The following NPAT variants were observed in gnomAD, a reference collection of about 807,000 sequenced individuals.
The protein encoded by NPAT is nuclear protein, coactivator of histone transcription.
A neutral mutation model predicts 130.7 loss-of-function variants in NPAT; 52 were observed. The ratio of observed to expected loss-of-function variants is 0.40; its 90% CI spans 0.32 to 0.50. NPAT has a LOEUF of 0.50. NPAT is among the 20% of genes least tolerant of loss of function. NPAT has a pLI of 0.68. For synonymous variants in NPAT, 580 were observed against 584.8 expected (o/e 0.99, Z 0.12); for missense variants, 1,687 against 1,662.6 (o/e 1.01, Z -0.26).
chr11:108,211,025 C>T (rs2078379017), intron 1 of NPAT, among the ~76,000 whole-genome samples: 1 of 151,712 alleles, frequency 6.6e-6, no homozygotes, highest in South Asian at 2.1e-4. Context: ...TTGAGACCAT[C>T]CTGGCCAACA....
At chr11:108,180,624 G>C (rs867740302) in intron 10 of NPAT, among the ~76,000 whole-genome samples, 3 of 152,150 alleles carry the variant, frequency 2.0e-5, no homozygotes, top group Middle Eastern at 3.2e-3. Context: ...TGGTACAGCT[G>C]CTATGAGAAA....
At chr11:108,171,449 A>C (rs1473554333) in intron 13 of NPAT, 1 of 150,192 alleles carries the variant, frequency 6.7e-6, no homozygotes, top group East Asian at 2.0e-4. Context: ...AAAGACAGAG[A>C]TCAATTAGAA....
intron 2 of NPAT, among the ~76,000 whole-genome samples, chr11:108,194,903 A>G (rs2078205753): frequency 6.6e-6 from 1 of 151,966 alleles, no homozygotes; most frequent in East Asian, 1.9e-4. Context: ...GGCTCACCAA[A>G]ACCTCTGTCT....
At chr11:108,209,211 C>T (rs957810140) in intron 1 of NPAT, among the ~76,000 whole-genome samples, 12 of 151,982 alleles carry the variant, frequency 7.9e-5, no homozygotes, top group South Asian at 2.1e-4. Flanking sequence ...TCCTGAGAGG[C>T]GGAGGCTGCA....
At position 108,222,451 on chromosome 11, in the gene NPAT, G is replaced by C. The variant is rs141298949; in HGVS notation, c.37+49C>G. The C allele has an allele frequency of 1.3e-4, 211 of 1,605,970 alleles. No individual in the cohort carries two copies. The African/African-American group carries it at 2.5e-3, about 19-fold the overall frequency. On this transcript the variant is annotated intron_variant, in intron 1 of 17. Coordinates refer to ENST00000278612, the MANE Select transcript of NPAT (RefSeq NM_002519.3). ...AACCTTTGGCCTCAAAGGTCCTTCT[G>C]TCCAGCATAGCCGGGTCCAATAACC...
At chr11:108,207,002 G>A (rs2078331841) in intron 1 of NPAT, among the ~76,000 whole-genome samples, 1 of 152,152 alleles carries the variant, frequency 6.6e-6, no homozygotes, top group East Asian at 1.9e-4. Context: ...CAACAGAGAG[G>A]AGACCCACAG....
At chr11:108,214,354 A>C (rs1045883877) in intron 1 of NPAT, among the ~76,000 whole-genome samples, 1 of 152,260 alleles carries the variant, frequency 6.6e-6, no homozygotes, top group Non-Finnish European at 1.5e-5. Flanking sequence ...AGACACAAAA[A>C]GCGAAATATT....
At chr11:108,211,780 T>C (rs1463370010) in intron 1 of NPAT, among the ~76,000 whole-genome samples, 2 of 152,088 alleles carry the variant, frequency 1.3e-5, no homozygotes, top group Admixed American at 6.6e-5. Context: ...GAGACCCCCA[T>C]CTCTGCAAAA....
chr11:108,167,197 C>CT (rs1217856332), intron 15 of NPAT, among the ~76,000 whole-genome samples: 1 of 152,124 alleles, frequency 6.6e-6, no homozygotes, highest in Non-Finnish European at 1.5e-5. Context: ...AATTCCCTCT[C>CT]TTCAAATCTT....
intron 1 of NPAT, among the ~76,000 whole-genome samples, chr11:108,208,889 C>T (rs1329990937): frequency 2.0e-5 from 3 of 152,062 alleles, no homozygotes; most frequent in Non-Finnish European, 4.4e-5. Context: ...TTTCCAGGGC[C>T]GACCATATAT....
chr11:108,175,626 T>C (rs2077998341), intron 12 of NPAT, among the ~76,000 whole-genome samples: 1 of 152,134 alleles, frequency 6.6e-6, no homozygotes, highest in Non-Finnish European at 1.5e-5. Context: ...TAAGAAGAAA[T>C]GGAGAATTGG....
At chr11:108,199,973 G>C (rs1229987849) in intron 1 of NPAT, among the ~76,000 whole-genome samples, 1 of 152,224 alleles carries the variant, frequency 6.6e-6, no homozygotes, top group African/African-American at 2.4e-5. Context: ...ATATTATTGA[G>C]TGGAATGAGC....
Position 108,176,374 on chromosome 11 carries a change from C to T in NPAT, c.1004G>A (p.Gly335Asp), listed in dbSNP as rs1170900520. 5 of 1,536,428 alleles carry T rather than the reference C, an allele frequency of 3.3e-6. No homozygotes were observed. Among genetic ancestry groups the T allele is most frequent in the Non-Finnish European group, 3.6e-6 (4 of 1,111,114 alleles). The change falls in exon 12 of 18, where the codon GGC (glycine) becomes GAC (aspartate). Residue 335 changes from glycine to aspartate, a missense_variant and splice_region_variant. Around this residue, in one of 3 missense-constraint regions of NPAT, gnomAD observed 1,379 missense variants for 1,346.6 expected, o/e 1.02. Coordinates refer to ENST00000278612, the MANE Select transcript of NPAT (RefSeq NM_002519.3). Reference sequence around the variant, plus strand: ...TATATTTTTATTATTCTTTGTTTTGCCTGTTAAAAAGGGAATATGGAAATA... The same window carrying T: ...TATATTTTTATTATTCTTTGTTTTGTCTGTTAAAAAGGGAATATGGAAATA... Reference protein sequence around the residue: ...FQALFDLFDYGKTKNNKNISQ... With the variant: ...FQALFDLFDYDKTKNNKNISQ...
At chr11:108,214,205 A>AT (rs1361615028) in intron 1 of NPAT, among the ~76,000 whole-genome samples, 3 of 152,192 alleles carry the variant, frequency 2.0e-5, no homozygotes, top group Admixed American at 6.5e-5. Flanking sequence ...TGCATTTTTC[A>AT]TAACAGTGTC....
intron 15 of NPAT, among the ~76,000 whole-genome samples, chr11:108,168,910 T>G (rs905778547): frequency 6.6e-6 from 1 of 152,114 alleles, no homozygotes; most frequent in Non-Finnish European, 1.5e-5. Flanking sequence ...AGATGACAAA[T>G]GTATGCACAT....
Position 108,186,471 on chromosome 11 carries a change from G to A in NPAT, c.726+11C>T, listed in dbSNP as rs773048381. On this transcript the variant is annotated intron_variant, in intron 8 of 17. Transcript: ENST00000278612. The stretch of plus-strand genomic sequence containing the variant: ...ATATTTTAAGTTGCAAAGTTTGGCA[G>A]AGTCACTTACTTTTTCTACTGCAAA... 1.9e-6 allele frequency: 3 copies of A among 1,609,212 alleles called. No homozygotes were observed. The highest frequency in any genetic ancestry group is 2.7e-5 in the African/African-American group (2 of 74,814).
chr11:108,167,196 T>C (rs2077909442), intron 15 of NPAT, among the ~76,000 whole-genome samples: 2 of 152,182 alleles, frequency 1.3e-5, no homozygotes, highest in Non-Finnish European at 2.9e-5. Context: ...TAATTCCCTC[T>C]CTTCAAATCT....
Position 108,172,357 on chromosome 11 carries a change from G to A in NPAT, c.2627C>T (p.Thr876Ile). The A allele has an allele frequency of 6.2e-7, 1 of 1,614,198 alleles. No individual in the cohort carries two copies. The highest frequency in any genetic ancestry group is 8.5e-7 in the Non-Finnish European group (1 of 1,180,038). The change falls in exon 13 of 18, where the codon ACA (threonine) becomes ATA (isoleucine). Residue 876 changes from threonine (T) to isoleucine (I), a missense_variant. Physicochemically the swap from Thr to Ile is moderately conservative, Grantham distance 89. Coordinates refer to ENST00000278612, the MANE Select transcript of NPAT (RefSeq NM_002519.3). ...CTGACTTACAGATGTTCCTAACGCTGTTGGATCAGTCACACAGGTAGCTAT... is the reference window on the plus strand; with the variant it reads ...CTGACTTACAGATGTTCCTAACGCTATTGGATCAGTCACACAGGTAGCTAT... The part of the protein sequence containing the change: ...ILIATCVTDP[T>I]ALGTSVSQSN...
At chr11:108,213,198 G>C (rs1033679827) in intron 1 of NPAT, among the ~76,000 whole-genome samples, 1 of 151,916 alleles carries the variant, frequency 6.6e-6, no homozygotes, top group East Asian at 1.9e-4. Flanking sequence ...GCTTGAACCC[G>C]GGAGGCAGAG....
Sources: allele counts gnomAD v4.1 joint callset (sites outside exome capture counted in the v4.1 genomes callset), GRCh38; gene constraint gnomAD v4.1.1; regional missense constraint gnomAD v4.1.1; transcripts MANE v1.5; gene names NCBI Gene and HGNC (gene_info 2026-07-23, HGNC 2026-07-21).